The following SYNE2 variants were observed in gnomAD, a reference collection of about 807,000 sequenced individuals.
The protein encoded by SYNE2 is spectrin repeat containing nuclear envelope protein 2.
In SYNE2, 431 loss-of-function variants were observed where a neutral mutation model predicts 856.3. The observed-to-expected ratio is 0.50, with a 90% CI of 0.47 to 0.55. SYNE2 has a LOEUF of 0.55. SYNE2 is among the 20% of genes least tolerant of loss of function. The pLI is 0.00. For missense variants in SYNE2, 8,129 were observed against 8,023.2 expected, an observed-to-expected ratio of 1.01 and a Z score of -0.50; for synonymous variants, 2,923 against 2,872.3, an observed-to-expected ratio of 1.02 and a Z score of -0.56.
intron 64 of SYNE2, among the ~76,000 whole-genome samples, chr14:64,104,108 G>A (rs9323445): frequency 1.3e-5 from 2 of 151,928 alleles, no homozygotes; most frequent in Non-Finnish European, 2.9e-5. Flanking sequence ...ACTACACTTC[G>A]TCTTTCATTT....
At chr14:64,110,511 G>A (rs79461049) in intron 65 of SYNE2, among the ~76,000 whole-genome samples, 3,740 of 149,020 alleles carry the variant, frequency 0.025, 142 homozygotes, top group African/African-American at 0.079. Flanking sequence ...ATAAAGGCTA[G>A]CTATTATTAA....
chr14:64,144,512 C>G (rs2098165549), intron 83 of SYNE2, among the ~76,000 whole-genome samples: 1 of 152,034 alleles, frequency 6.6e-6, no homozygotes, highest in Non-Finnish European at 1.5e-5. Flanking sequence ...CATGAACAGA[C>G]AATTCACAAA....
chr14:64,105,801 T>C (rs2097767314), intron 64 of SYNE2, among the ~76,000 whole-genome samples: 1 of 152,144 alleles, frequency 6.6e-6, no homozygotes, highest in Non-Finnish European at 1.5e-5. Context: ...GTCTCATGCC[T>C]GTAATCCTAG....
At chr14:63,859,480 A>C (rs1892907771) in intron 1 of SYNE2, among the ~76,000 whole-genome samples, 1 of 152,152 alleles carries the variant, frequency 6.6e-6, no homozygotes, top group South Asian at 2.1e-4. Context: ...GTGACATCTC[A>C]CAAATTTTGA....
chr14:63,951,767 T>C (rs2096165194), intron 7 of SYNE2, among the ~76,000 whole-genome samples: 1 of 152,208 alleles, frequency 6.6e-6, no homozygotes, highest in Non-Finnish European at 1.5e-5. Flanking sequence ...TCCCAAACAG[T>C]ATTTGTGAAA....
rs576579603 is a variant in SYNE2 at position 63,809,054 on chromosome 14, A to G, written c.-304-43447A>G. Among the ~76,000 whole-genome samples, 22 of 152,204 alleles carry G rather than the reference A, an allele frequency of 1.4e-4. No individual in the cohort carries two copies. In the East Asian group the frequency reaches 4.1e-3, roughly 28 times the overall value. On this transcript the variant is annotated intron_variant, in intron 1 of 23. Transcript: ENST00000674003. ...TGAACAAACAAACGAGAAAGTGGAG[A>G]GGCCCGGAGGTCACACTGAACTTGG... is the stretch of plus-strand genomic sequence containing the variant.
chr14:64,055,390 A>G (rs1457453246), intron 48 of SYNE2, among the ~76,000 whole-genome samples: 5 of 124,472 alleles, frequency 4.0e-5, no homozygotes, highest in Non-Finnish European at 8.0e-5. Flanking sequence ...TTTTTTTGAG[A>G]TGGACTCTCA....
At chr14:64,029,142 A>G (rs1489646033) in intron 43 of SYNE2, among the ~76,000 whole-genome samples, 1 of 152,180 alleles carries the variant, frequency 6.6e-6, no homozygotes, top group Admixed American at 6.5e-5. Context: ...CTCAAAAAAA[A>G]TAATAATTAA....
intron 32 of SYNE2, among the ~76,000 whole-genome samples, chr14:64,016,166 T>C (rs1264506463): frequency 1.3e-5 from 2 of 152,116 alleles, no homozygotes; most frequent in Non-Finnish European, 2.9e-5. Flanking sequence ...CAGATGCTTT[T>C]TTTGGCAGAT....
At chr14:63,774,560 G>T (rs922941637) in intron 1 of SYNE2, among the ~76,000 whole-genome samples, 1 of 151,332 alleles carries the variant, frequency 6.6e-6, no homozygotes, top group African/African-American at 2.4e-5. Flanking sequence ...TTTGAGACAG[G>T]GTCTCGCTCT....
intron 1 of SYNE2, among the ~76,000 whole-genome samples, chr14:63,772,603 TG>T (rs899784535): frequency 6.6e-6 from 1 of 151,408 alleles, no homozygotes; most frequent in African/African-American, 2.4e-5. Context: ...TTTAGCTGAG[TG>T]CGGTGGTGTG....
rs187841473 is a variant in SYNE2 at position 64,224,502 on chromosome 14, G to A, written c.20424G>A (p.Ser6808=). 131 of 1,614,062 alleles carry A rather than the reference G, an allele frequency of 8.1e-5. No individual in the cohort carries two copies. The East Asian group carries it at 1.7e-3, about 21-fold the overall frequency. The part of the protein sequence containing the change: ...SPLPSFDEVD[S]GDQPPATSVP... The stretch of plus-strand genomic sequence containing the variant: ...TGCCCAGCTTCGACGAGGTAGACTC[G>A]GGGGACCAGCCTCCTGCAACATCCG... Residue 6808 remains serine (S), a synonymous_variant, in exon 114 of 116, where the codon TCG becomes TCA. Transcript: ENST00000555002.
Position 64,023,053 on chromosome 14 carries a change from G to C in SYNE2, c.5637+190G>C. On this transcript the variant is annotated intron_variant, in intron 38 of 115. Transcript: ENST00000555002. ...AGACCAGCCTGGGTCTCGAACTTTG[G>C]TAAAAGGTTCACCAAGCTCATGGTG... The C allele has an allele frequency of 8.7e-6, 5 of 574,422 alleles. No individual in the cohort carries two copies. The South Asian group carries it at 1.1e-4, about 12-fold the overall frequency. 35.6% of individuals were successfully genotyped at this position (574,422 alleles called of 1,614,324 possible). A position where few individuals can be genotyped will look rare whatever the true frequency, so the allele number is the denominator to read the frequency against.
In SYNE2 at chr14:63,782,155, C is replaced by A. The variant is rs867407467; in HGVS notation, c.-305+20169C>A. ...CATCTCAAAAAAAAAAAACCAAAAACAAAAAATGAAAGAAAAGGGCTTAAA... is the reference window on the plus strand; with the variant it reads ...CATCTCAAAAAAAAAAAACCAAAAAAAAAAAATGAAAGAAAAGGGCTTAAA... On this transcript the variant is annotated intron_variant, in intron 1 of 23. Coordinates refer to the SYNE2 transcript ENST00000674003. Among the ~76,000 whole-genome samples the A allele has an allele frequency of 9.4e-4, 138 of 146,292 alleles. 2 individuals carry two copies. Among genetic ancestry groups the A allele is most frequent in the Middle Eastern group, 3.6e-3 (1 of 278 alleles).
At chr14:63,895,775 CA>C (rs10544076) in intron 1 of SYNE2, among the ~76,000 whole-genome samples, 1,303 of 92,522 alleles carry the variant, frequency 0.014, 18 homozygotes, top group South Asian at 0.07. Context: ...TCCAAATCTC[CA>C]AAAAAAAAAA....
rs2098683152 is a variant in SYNE2 at position 64,219,299 on chromosome 14, C to A, written c.19749C>A (p.Ile6583=). Residue 6583 remains isoleucine (I), a synonymous_variant, in exon 110 of 116, where the codon ATC becomes ATA. Coordinates refer to ENST00000555002, the MANE Select transcript of SYNE2 (RefSeq NM_182914.3). ...KQNLQQLNSD[I]SAITTWLKKT... ...ATTTGCAACAGCTGAACTCTGATAT[C>A]AGCGCCATCACTACTTGGCTGAAAA... is the stretch of plus-strand genomic sequence containing the variant. The A allele has an allele frequency of 6.2e-7, 1 of 1,614,036 alleles. No homozygotes were observed. Among genetic ancestry groups the A allele is most frequent in the African/African-American group, 1.3e-5 (1 of 74,974 alleles).
Position 64,017,732 on chromosome 14 carries a change from T to C in SYNE2, c.5025T>C (p.Thr1675=). 2 of 1,613,736 alleles carry C rather than the reference T, an allele frequency of 1.2e-6. No individual in the cohort carries two copies. Among genetic ancestry groups the C allele is most frequent in the Non-Finnish European group, 1.7e-6 (2 of 1,179,784 alleles). Residue 1675 remains threonine, a synonymous_variant, in exon 34 of 116, where the codon ACT becomes ACC. Coordinates refer to ENST00000555002, the MANE Select transcript of SYNE2 (RefSeq NM_182914.3). ...AAAAAATGGAATTACATCAATTGAC[T>C]GAAGAGGACAGAGAAAGGCTGAAGG... The part of the protein sequence containing the change: ...ALQKMELHQL[T]EEDRERLKEE...
At chr14:63,920,734 AG>A (rs2095590048) in intron 2 of SYNE2, among the ~76,000 whole-genome samples, 1 of 151,808 alleles carries the variant, frequency 6.6e-6, no homozygotes, top group Non-Finnish European at 1.5e-5. Context: ...GGAGAGAAAT[AG>A]GTGTTCAAGA....
intron 87 of SYNE2, 124 bp downstream of exon 87, chr14:64,159,566 G>A: frequency 8.8e-7 from 1 of 1,131,504 alleles, no homozygotes; most frequent in Non-Finnish European, 1.3e-6. Context: ...CTACTGTTCT[G>A]GTCTCTTCTG....
Sources: gnomAD v4.1 joint callset for allele counts (sites outside exome capture counted in the v4.1 genomes callset) on GRCh38, gnomAD v4.1.1 for gene constraint, MANE v1.5 for transcripts, NCBI Gene and HGNC (gene_info 2026-07-23, HGNC 2026-07-21) for gene names.